The following ZNF133 variants were observed in gnomAD, a reference collection of about 807,000 sequenced individuals.
ZNF133 encodes zinc finger protein 133.
Under a neutral mutation model 54.9 loss-of-function variants are expected in ZNF133, and 26 were observed. The observed-to-expected ratio is 0.47, with a 90% CI of 0.35 to 0.66. The LOEUF is 0.66. Among genes scored for constraint, ZNF133 ranks in the 30% least tolerant of loss-of-function variants. The probability of loss-of-function intolerance (pLI) is 0.01; values close to 1 mark genes in which losing one functional copy is unlikely to be tolerated. For synonymous variants in ZNF133, 298 were observed against 320.3 expected (o/e 0.93, Z 0.74); for missense variants, 653 against 820.8 (o/e 0.80, Z 2.50).
intron 1 of ZNF133, among the ~76,000 whole-genome samples, chr20:18,291,959 T>C (rs912928399): frequency 3.9e-5 from 6 of 152,224 alleles, no homozygotes; most frequent in Admixed American, 1.3e-4. Flanking sequence ...CAGTGGTATA[T>C]AGACCATCCT....
chr20:18,314,335 TA>T (rs1465666533), intron 6 of ZNF133: 1 of 152,226 alleles, frequency 6.6e-6, no homozygotes, highest in Non-Finnish European at 1.5e-5. Flanking sequence ...AGAGGCACTA[TA>T]AGTAGAAATT....
chr20:18,291,004 A>G (rs1718557401), intron 1 of ZNF133, among the ~76,000 whole-genome samples: 1 of 152,152 alleles, frequency 6.6e-6, no homozygotes, highest in African/African-American at 2.4e-5. Context: ...GCACACACCA[A>G]TAATCCCAGC....
chr20:18,316,513 G>A lies in ZNF133; in HGVS notation c.1662G>A (p.Gln554=). 4 of 1,614,056 alleles carry A rather than the reference G, an allele frequency of 2.5e-6. No homozygotes were observed. Among genetic ancestry groups the A allele is most frequent in the Non-Finnish European group, 3.4e-6 (4 of 1,179,890 alleles). ...GGGAGAAGCCCTACATGTGCAGGCA[G>A]TGTGGACTGGGCTTTGGCAATAAGT... is the stretch of plus-strand genomic sequence containing the variant. ...HSREKPYMCR[Q]CGLGFGNKSA... The change falls in exon 7 of 7, where the codon CAG becomes CAA. Residue 554 remains glutamine (Q), a synonymous_variant. Coordinates refer to ENST00000425686, the MANE Select transcript of ZNF133 (RefSeq NM_001352452.2).
Position 18,316,068 on chromosome 20 carries a change from A to G in ZNF133, c.1217A>G (p.Lys406Arg). ...GTCAACCACCAGAGGACACACTCAA[A>G]GGAGAAGCCCTATGTGTGCGGGGTG... ...TLVNHQRTHSKEKPYVCGVCG... is the reference protein window; with the variant it reads ...TLVNHQRTHSREKPYVCGVCG... The change falls in exon 7 of 7, where the codon AAG (lysine) becomes AGG (arginine). Residue 406 changes from lysine (K) to arginine (R), a missense_variant. By Grantham distance (26) the Lys-to-Arg change is conservative (BLOSUM62 2). Transcript: ENST00000425686. 1 of 1,612,178 alleles carries G rather than the reference A, an allele frequency of 6.2e-7. No individual in the cohort carries two copies.
intron 1 of ZNF133, among the ~76,000 whole-genome samples, chr20:18,291,471 C>T (rs2040966775): frequency 6.6e-6 from 1 of 152,160 alleles, no homozygotes; most frequent in African/African-American, 2.4e-5. Flanking sequence ...CCTCCTAACT[C>T]ATAGCCTGCT....
chr20:18,290,853 G>A (rs561613581), intron 1 of ZNF133, among the ~76,000 whole-genome samples: 1 of 152,232 alleles, frequency 6.6e-6, no homozygotes, highest in South Asian at 2.1e-4. Context: ...TCCTGGCCGG[G>A]CACAGTGGCT....
At chr20:18,314,978 A>C (rs1490600427) in intron 6 of ZNF133, 91 bp from the exon 7 acceptor site, 2 of 1,327,110 alleles carry the variant, frequency 1.5e-6, no homozygotes, top group Non-Finnish European at 2.0e-6. Context: ...CTTAAGGCCT[A>C]AGTGTTTTGA....
At chr20:18,306,676 T>C (rs2044701417) in intron 6 of ZNF133, 2 of 1,307,436 alleles carry the variant, frequency 1.5e-6, no homozygotes, top group African/African-American at 1.5e-5. Flanking sequence ...ATATATGGGC[T>C]TCTTTCTCTT....
At chr20:18,291,749 A>G (rs191542301) in intron 1 of ZNF133, among the ~76,000 whole-genome samples, 7 of 146,786 alleles carry the variant, frequency 4.8e-5, no homozygotes, top group East Asian at 2.0e-4. Context: ...GTCTCGCTCT[A>G]TCGCCCAGGC....
At chr20:18,314,989 A>C in intron 6 of ZNF133, 80 bp from the exon 7 acceptor site, 2 of 1,422,876 alleles carry the variant, frequency 1.4e-6, no homozygotes, top group Non-Finnish European at 1.9e-6. Context: ...AGTGTTTTGA[A>C]GCCTAGGGGA....
In ZNF133 at chr20:18,315,920, A is replaced by C; in HGVS notation, c.1069A>C (p.Ser357Arg). 1 of 1,613,676 alleles carries C rather than the reference A, an allele frequency of 6.2e-7. No homozygotes were observed. The highest frequency in any genetic ancestry group is 8.5e-7 in the Non-Finnish European group (1 of 1,179,884). Residue 357 changes from serine (S) to arginine (R), a missense_variant, in exon 7 of 7, where the codon AGT (serine) becomes CGT (arginine). Transcript: ENST00000425686. ...CTTGGAGGAGAAGACCATCGTGTGCAGTGACTGTGGCCTGGGCTTCAGCGA... is the reference window on the plus strand; with the variant it reads ...CTTGGAGGAGAAGACCATCGTGTGCCGTGACTGTGGCCTGGGCTTCAGCGA... Reference protein sequence around the residue: ...THLEEKTIVCSDCGLGFSDRS... With the variant: ...THLEEKTIVCRDCGLGFSDRS...
intron 1 of ZNF133, among the ~76,000 whole-genome samples, chr20:18,290,305 T>C (rs1450639850): frequency 6.6e-6 from 1 of 152,224 alleles, no homozygotes; most frequent in Non-Finnish European, 1.5e-5. Flanking sequence ...CAGTATTTGT[T>C]CAGACTGCTC....
At chr20:18,289,486 G>A (rs947527229) in intron 1 of ZNF133, among the ~76,000 whole-genome samples, 4 of 152,160 alleles carry the variant, frequency 2.6e-5, no homozygotes, top group African/African-American at 9.7e-5. Flanking sequence ...AATGGACACA[G>A]AGAATCCTTG....
chr20:18,306,430 T>A, intron 6 of ZNF133, 37 bp downstream of exon 6: 1 of 1,586,968 alleles, frequency 6.3e-7, no homozygotes, highest in Non-Finnish European at 8.6e-7. Flanking sequence ...AGACATGAGC[T>A]CAGCAGCTCA....
intron 6 of ZNF133, chr20:18,310,278 T>C: frequency 1.3e-6 from 2 of 1,533,496 alleles, no homozygotes; most frequent in Non-Finnish European, 1.7e-6. Flanking sequence ...ACCCAAAATA[T>C]ATGTGTAACG....
At chr20:18,307,674 T>A (rs1671296341) in intron 6 of ZNF133, among the ~76,000 whole-genome samples, 1 of 152,186 alleles carries the variant, frequency 6.6e-6, no homozygotes, top group African/African-American at 2.4e-5. Flanking sequence ...AGGTTATAGA[T>A]CCTTTCCATA....
chr20:18,303,929 A>G (rs1289529333), intron 3 of ZNF133, among the ~76,000 whole-genome samples: 1 of 152,256 alleles, frequency 6.6e-6, no homozygotes, highest in Non-Finnish European at 1.5e-5. Context: ...ATAAAAGAAA[A>G]GAATAGTGAA....
At position 18,316,691 on chromosome 20, in the gene ZNF133, G is replaced by A. The variant is rs1465050333; in HGVS notation, c.1840G>A (p.Gly614Ser). ...ATATGTGTGCAAGACGTGTGGGCGG[G>A]GCTTCAGCCTCAAGTCTCACCTCAG... ...KPYVCKTCGR[G>S]FSLKSHLSRH... Residue 614 changes from glycine (G) to serine (S), a missense_variant, in exon 7 of 7, where the codon GGC becomes AGC. Physicochemically the swap from Gly to Ser is moderately conservative, Grantham distance 56. This residue lies in a region of ZNF133 where 129 missense variants were observed against 138.5 expected (regional missense o/e 0.93). Transcript: ENST00000425686. 1.2e-6 allele frequency: 2 copies of A among 1,614,144 alleles called. No homozygotes were observed. The highest frequency in any genetic ancestry group is 1.7e-5 in the Admixed American group (1 of 60,020).
intron 3 of ZNF133, among the ~76,000 whole-genome samples, chr20:18,300,109 A>G (rs1267230228): frequency 6.6e-6 from 1 of 152,176 alleles, no homozygotes; most frequent in African/African-American, 2.4e-5. Context: ...TATGAGACTT[A>G]GGAGACTACT....
Sources: gnomAD v4.1 joint callset for allele counts (sites outside exome capture counted in the v4.1 genomes callset) on GRCh38, gnomAD v4.1.1 for gene constraint, gnomAD v4.1.1 regional missense constraint, MANE v1.5 for transcripts, NCBI Gene and HGNC (gene_info 2026-07-23, HGNC 2026-07-21) for gene names.